The following GOLGB1 variants were observed in gnomAD, a reference collection of about 807,000 sequenced individuals.
The protein encoded by GOLGB1 is golgin subfamily B member 1.
GOLGB1 carries 174 observed loss-of-function variants against 336.9 expected under a neutral mutation model. The ratio of observed to expected loss-of-function variants is 0.52; its 90% CI spans 0.46 to 0.59. The LOEUF (loss-of-function observed/expected upper bound fraction) is 0.59. Among genes scored for constraint, GOLGB1 ranks in the 20% least tolerant of loss-of-function variants. GOLGB1 has a pLI of 0.00. For synonymous variants in GOLGB1, 1,208 were observed against 1,289.2 expected (o/e 0.94, Z 1.35); for missense variants, 3,331 against 3,645.3 (o/e 0.91, Z 2.22).
At chr3:121,734,392 G>GAAAAAAA (rs34906801) in intron 1 of GOLGB1, among the ~76,000 whole-genome samples, 6 of 107,248 alleles carry the variant, frequency 5.6e-5, no homozygotes, top group Admixed American at 1.2e-4. Context: ...TCTGTCTCGG[G>GAAAAAAA]AAAAAAAAAA....
chr3:121,703,333 A>G (rs185923791), intron 10 of GOLGB1, among the ~76,000 whole-genome samples: 4 of 152,288 alleles, frequency 2.6e-5, no homozygotes, highest in African/African-American at 9.6e-5. Flanking sequence ...TATGGCTTTT[A>G]TCTTGAGGGA....
intron 20 of GOLGB1, among the ~76,000 whole-genome samples, chr3:121,666,711 T>C (rs565855800): frequency 2.6e-5 from 4 of 152,348 alleles, no homozygotes; most frequent in Non-Finnish European, 4.4e-5. Context: ...AAAGTGATCA[T>C]ATACATAGGT....
chr3:121,726,320 G>C (rs1292594190), intron 5 of GOLGB1, among the ~76,000 whole-genome samples: 1 of 150,254 alleles, frequency 6.7e-6, no homozygotes, highest in Non-Finnish European at 1.5e-5. Context: ...TGTAATCCCA[G>C]CTACTCAGGA....
chr3:121,680,430 T>C (rs888919547), intron 15 of GOLGB1, among the ~76,000 whole-genome samples: 2 of 152,176 alleles, frequency 1.3e-5, no homozygotes, highest in African/African-American at 4.8e-5. Flanking sequence ...GCAGCTGTCA[T>C]AGAAATGCTT....
rs918629624 is a variant in GOLGB1, at chr3:121,698,340, T to C, written c.2183A>G (p.Gln728Arg). ...EKAKEISNLN[Q>R]LIEEFKKNAD... Reference sequence around the variant, plus strand: ...ATTTTTCTTAAACTCCTCAATCAACTGGTTTAGGTTGCTAATTTCCTTAGC... The same window carrying C: ...ATTTTTCTTAAACTCCTCAATCAACCGGTTTAGGTTGCTAATTTCCTTAGC... Residue 728 changes from glutamine to arginine, a missense_variant, in exon 13 of 22, where the codon CAG becomes CGG. Coordinates refer to ENST00000614479, the MANE Select transcript of GOLGB1 (RefSeq NM_001366282.2). 1.9e-6 allele frequency: 3 copies of C among 1,613,710 alleles called. No homozygotes were observed. The African/African-American group carries it at 4.0e-5, about 22-fold the overall frequency.
chr3:121,743,666 A>G (rs1947042577), intron 1 of GOLGB1, among the ~76,000 whole-genome samples: 1 of 152,204 alleles, frequency 6.6e-6, no homozygotes, highest in Non-Finnish European at 1.5e-5. Context: ...AATTATAAAT[A>G]CACATATTTC....
intron 2 of GOLGB1, chr3:121,730,253 C>A: frequency 2.9e-6 from 1 of 348,652 alleles, no homozygotes; most frequent in South Asian, 7.3e-5. Context: ...CCTAATTTTA[C>A]CAAAGAGAAA....
intron 17 of GOLGB1, among the ~76,000 whole-genome samples, chr3:121,674,580 C>T (rs1560174922): frequency 1.3e-5 from 2 of 152,144 alleles, no homozygotes; most frequent in Non-Finnish European, 2.9e-5. Flanking sequence ...AAAACCTGAA[C>T]ATCTGAAGAA....
At chr3:121,711,928 CTCA>C (rs1237608712) in intron 10 of GOLGB1, among the ~76,000 whole-genome samples, 1 of 152,144 alleles carries the variant, frequency 6.6e-6, no homozygotes, top group Admixed American at 6.5e-5. Context: ...AATTCAAAAT[CTCA>C]TCTGTCTTTT....
At position 121,698,217 on chromosome 3, in the gene GOLGB1, G is replaced by T. The variant is rs780581631; in HGVS notation, c.2306C>A (p.Ala769Asp). The T allele has an allele frequency of 1.2e-5, 19 of 1,613,642 alleles. No individual in the cohort carries two copies. Among genetic ancestry groups the T allele is most frequent in the Non-Finnish European group, 1.6e-5 (19 of 1,179,924 alleles). The change falls in exon 13 of 22, where the codon GCT becomes GAT. Residue 769 changes from alanine to aspartate, a missense_variant. Physicochemically the swap from Ala to Asp is moderately radical, Grantham distance 126 (BLOSUM62 -2). Coordinates refer to ENST00000614479, the MANE Select transcript of GOLGB1 (RefSeq NM_001366282.2). The part of the protein sequence containing the change: ...KELSMVTELR[A>D]QVKQLEMNLA... ...GTTCATTTCCAGTTGCTTTACCTGA[G>T]CCCTCAATTCTGTTACCATGCTAAG...
intron 1 of GOLGB1, among the ~76,000 whole-genome samples, chr3:121,745,841 T>C (rs552928882): frequency 1.3e-5 from 2 of 152,348 alleles, no homozygotes; most frequent in African/African-American, 2.4e-5. Context: ...CACTTATGTG[T>C]TGAAGTGGCA....
At chr3:121,685,533 CTAAATAAA>C (rs113841968) in intron 14 of GOLGB1, among the ~76,000 whole-genome samples, 3,418 of 145,644 alleles carry the variant, frequency 0.023, 32 homozygotes, top group Middle Eastern at 0.063. Context: ...GACTCTGTTT[CTAAATAAA>C]TAAATAAATA....
chr3:121,695,607 T>A lies in GOLGB1; in HGVS notation c.4916A>T (p.His1639Leu), dbSNP rs763934475. 3 of 1,613,954 alleles carry A rather than the reference T, an allele frequency of 1.9e-6. No individual in the cohort carries two copies. In the African/African-American group the frequency reaches 4.0e-5, roughly 22 times the overall value. Residue 1639 changes from histidine to leucine, a missense_variant, in exon 13 of 22, where the codon CAT (histidine) becomes CTT (leucine). By Grantham distance (99) the His-to-Leu change is moderately conservative (BLOSUM62 -3). Transcript: ENST00000614479. The stretch of plus-strand genomic sequence containing the variant: ...CTCTTGCCTCACAGCTTCCACCACA[T>A]GCTGAATCCTTTCTGCTTCATTACT... ...NVSNEAERIQ[H>L]VVEAVRQEKQ...
chr3:121,681,829 G>A lies in GOLGB1; in HGVS notation c.8731C>T (p.Gln2911Ter). The change falls in exon 15 of 22, where the codon CAG becomes TAG. Residue 2911 changes from glutamine to a stop codon, truncating the protein, a stop_gained. Coordinates refer to ENST00000614479, the MANE Select transcript of GOLGB1 (RefSeq NM_001366282.2). LOFTEE classifies it high-confidence loss of function. ...ELKNLQQQYLQINQEITELHP... is the reference protein window; with the variant it reads ...ELKNLQQQYL ...AACTCAGTGATCTCTTGATTAATCTGTAAGTATTGCTGCTGCAGATTCTTC... is the reference window on the plus strand; with the variant it reads ...AACTCAGTGATCTCTTGATTAATCTATAAGTATTGCTGCTGCAGATTCTTC... 1 of 1,606,682 alleles carries A rather than the reference G, an allele frequency of 6.2e-7. No individual in the cohort carries two copies. The highest frequency in any genetic ancestry group is 8.5e-7 in the Non-Finnish European group (1 of 1,174,236).
intron 1 of GOLGB1, among the ~76,000 whole-genome samples, chr3:121,733,609 C>T (rs981679233): frequency 2.0e-5 from 3 of 152,092 alleles, no homozygotes; most frequent in Admixed American, 6.5e-5. Context: ...TTTTAGTAAA[C>T]ATCAAAAAGC....
At chr3:121,738,984 C>A (rs1192547487) in intron 1 of GOLGB1, among the ~76,000 whole-genome samples, 2 of 152,102 alleles carry the variant, frequency 1.3e-5, no homozygotes, top group Non-Finnish European at 2.9e-5. Flanking sequence ...CTACTGAGGC[C>A]AGGCGTGCTA....
At chr3:121,733,048 G>A (rs926106676) in intron 1 of GOLGB1, among the ~76,000 whole-genome samples, 2 of 152,076 alleles carry the variant, frequency 1.3e-5, no homozygotes, top group East Asian at 1.9e-4. Context: ...TGCAGGCCAG[G>A]TGCGGTAGCT....
intron 15 of GOLGB1, 139 bp from the exon 16 acceptor site, chr3:121,677,589 G>T: frequency 3.2e-6 from 2 of 616,190 alleles, no homozygotes; most frequent in Non-Finnish European, 2.8e-6. Flanking sequence ...CTAAGAAAAA[G>T]GTGGAAAGAG....
At chr3:121,741,325 G>A (rs930838156) in intron 1 of GOLGB1, among the ~76,000 whole-genome samples, 11 of 152,148 alleles carry the variant, frequency 7.2e-5, no homozygotes, top group African/African-American at 2.2e-4. Context: ...AAGACTGGAG[G>A]AGAGACAGCA....
Sources: gnomAD v4.1 joint callset for allele counts (sites outside exome capture counted in the v4.1 genomes callset) on GRCh38, gnomAD v4.1.1 for gene constraint, MANE v1.5 for transcripts, NCBI Gene and HGNC (gene_info 2026-07-23, HGNC 2026-07-21) for gene names.